Variants in FBXL3 observed in about 807,000 individuals in gnomAD.
FBXL3 encodes the protein F-box and leucine rich repeat protein 3, also known as F-box/LRR-repeat protein 3.
Under a neutral mutation model 37.9 loss-of-function variants are expected in FBXL3, and 14 were observed. The observed-to-expected ratio is 0.37, with a 90% CI of 0.24 to 0.58. FBXL3 has a LOEUF of 0.58. Among genes scored for constraint, FBXL3 ranks in the 20% least tolerant of loss-of-function variants. The pLI is 0.74. For synonymous variants in FBXL3, 194 were observed against 180.1 expected (o/e 1.08, Z -0.62); for missense variants, 327 against 511.1 (o/e 0.64, Z 3.47).
In FBXL3 at chr13:77,026,982, G is replaced by C. The variant is rs979016539; in HGVS notation, c.-157C>G. 1 of 151,866 alleles carries C rather than the reference G, an allele frequency of 6.6e-6. No homozygotes were observed. Among genetic ancestry groups the C allele is most frequent in the Non-Finnish European group, 1.5e-5 (1 of 68,014 alleles). The allele number at this position is 151,866 out of a possible 1,614,324, so 9.4% of individuals were successfully genotyped here. The stretch of plus-strand genomic sequence containing the variant: ...CGCTCCGCCCGCATCCGAGGCGCTG[G>C]TCCCGCGGAGGGCGCCAACGCGGCT... On this transcript the variant is annotated 5_prime_UTR_variant, in exon 1 of 5. Transcript: ENST00000355619.
At chr13:77,019,483 G>C (rs1274165167) in intron 2 of FBXL3, among the ~76,000 whole-genome samples, 1 of 152,196 alleles carries the variant, frequency 6.6e-6, no homozygotes, top group Non-Finnish European at 1.5e-5. Context: ...AAAATGTTAA[G>C]AGTGGATTGT....
chr13:77,026,727 C>A (rs1278242545), intron 1 of FBXL3, 100 bp downstream of exon 1: 2 of 142,304 alleles, frequency 1.4e-5, no homozygotes, highest in South Asian at 2.2e-4. Flanking sequence ...CCCCGCGCCC[C>A]CCCCCACCCC....
chr13:77,013,928 C>T (rs921760457), intron 4 of FBXL3: 3 of 152,026 alleles, frequency 2.0e-5, no homozygotes, highest in Non-Finnish European at 2.9e-5. Flanking sequence ...ACAGAATATA[C>T]CAGAATAAAG....
chr13:77,016,657 C>T (rs545502988), intron 3 of FBXL3: 1 of 152,262 alleles, frequency 6.6e-6, no homozygotes, highest in Admixed American at 6.6e-5. Context: ...TTTCATCCTC[C>T]CTAGTAGCTA....
intron 1 of FBXL3, among the ~76,000 whole-genome samples, chr13:77,024,759 A>T (rs2034807554): frequency 6.6e-6 from 1 of 152,206 alleles, no homozygotes; most frequent in Non-Finnish European, 1.5e-5. Flanking sequence ...TGATCACCAA[A>T]GCCTATTTTA....
At chr13:77,013,438 GCT>G (rs1378494299) in intron 4 of FBXL3, 3 of 152,102 alleles carry the variant, frequency 2.0e-5, no homozygotes, top group Non-Finnish European at 2.9e-5. Context: ...TCCCCAAATT[GCT>G]CCTGGCAATA....
chr13:77,015,411 G>A lies in FBXL3; in HGVS notation c.641C>T (p.Ala214Val). The change falls in exon 4 of 5, where the codon GCA becomes GTA. Residue 214 changes from alanine (A) to valine (V), a missense_variant and splice_region_variant. Transcript: ENST00000355619. ...GTCTAGCAAAAAACACAACATACCT[G>A]CTGGAGAGACATGAGGACAGCTGCT... ...KMSSCPHVSPAGILCVADQCH... is the reference protein window; with the variant it reads ...KMSSCPHVSPVGILCVADQCH... 6.5e-7 allele frequency: 1 copy of A among 1,546,626 alleles called. No homozygotes were observed. Among genetic ancestry groups the A allele is most frequent in the South Asian group, 1.3e-5 (1 of 78,918 alleles).
In FBXL3 at chr13:77,026,880, G is replaced by A. The variant is rs2034853865; in HGVS notation, c.-55C>T. The stretch of plus-strand genomic sequence containing the variant: ...ACCACCCCGTGCTCCGGGGACGGCG[G>A]CGGCTGCAGGTCCCGCGGCTCTCAC... On this transcript the variant is annotated 5_prime_UTR_variant, in exon 1 of 5. Coordinates refer to ENST00000355619, the MANE Select transcript of FBXL3 (RefSeq NM_012158.4). 6.6e-6 allele frequency: 1 copy of A among 151,428 alleles called. No individual in the cohort carries two copies. Among genetic ancestry groups the A allele is most frequent in the African/African-American group, 2.4e-5 (1 of 41,238 alleles). The allele number at this position is 151,428 out of a possible 1,614,324, so 9.4% of individuals were successfully genotyped here. A position where few individuals can be genotyped will look rare whatever the true frequency, so the allele number is the denominator to read the frequency against.
chr13:77,025,708 A>AAC lies in FBXL3; in HGVS notation c.-2+1118_-2+1119insGT, dbSNP rs1250017495. 3.7e-4 allele frequency among the ~76,000 whole-genome samples: 56 copies of AAC among 151,458 alleles called. No homozygotes were observed. The East Asian group carries it at 8.6e-3, about 23-fold the overall frequency. ...GTCTCAAAAAAAAAAAAAAAAAAAAAAAAACTTTGAAAGAAGCAACTTCAT... is the reference window on the plus strand; with the variant it reads ...GTCTCAAAAAAAAAAAAAAAAAAAAAACAAAACTTTGAAAGAAGCAACTTCAT... On this transcript the variant is annotated intron_variant, in intron 1 of 4. Coordinates refer to ENST00000355619, the MANE Select transcript of FBXL3 (RefSeq NM_012158.4).
At position 77,007,316 on chromosome 13, in the gene FBXL3, T is replaced by G. The variant is rs201176626; in HGVS notation, c.1116A>C (p.Ser372=). The change falls in exon 5 of 5, where the codon TCA becomes TCC. Residue 372 remains serine, a synonymous_variant. Coordinates refer to ENST00000355619, the MANE Select transcript of FBXL3 (RefSeq NM_012158.4). ...SAIGLGECEV[S]CSAFVEFVKM... ...TCACAAACTCAACAAAGGCACTACA[T>G]GAGACTTCACATTCCCCTAGTCCAA... 6.2e-7 allele frequency: 1 copy of G among 1,614,178 alleles called. No homozygotes were observed. The highest frequency in any genetic ancestry group is 1.7e-5 in the Admixed American group (1 of 60,014).
Position 77,005,647 on chromosome 13 carries a change from A to C in FBXL3, c.*1498T>G, listed in dbSNP as rs990178350. 3.9e-5 allele frequency: 6 copies of C among 152,258 alleles called. No individual in the cohort carries two copies. In the East Asian group the frequency reaches 1.2e-3, roughly 29 times the overall value. The allele number at this position is 152,258 out of a possible 1,614,324, so 9.4% of individuals were successfully genotyped here. A position where few individuals can be genotyped will look rare whatever the true frequency, so the allele number is the denominator to read the frequency against. ...CATATCATCACTTTTGGAAAGCAAA[A>C]ATTATGTAGAAAATCACCTTTTGCT... On this transcript the variant is annotated 3_prime_UTR_variant, in exon 5 of 5. Coordinates refer to ENST00000355619, the MANE Select transcript of FBXL3 (RefSeq NM_012158.4).
At chr13:77,020,140 C>G (rs1171905081) in intron 2 of FBXL3, among the ~76,000 whole-genome samples, 2 of 152,108 alleles carry the variant, frequency 1.3e-5, no homozygotes, top group African/African-American at 4.8e-5. Context: ...GATCCCCCTA[C>G]CTTTGCCCCC....
intron 4 of FBXL3, among the ~76,000 whole-genome samples, chr13:77,011,995 A>G (rs2034563386): frequency 6.6e-6 from 1 of 152,228 alleles, no homozygotes; most frequent in African/African-American, 2.4e-5. Context: ...GCACAGCAGC[A>G]TTATTCATAA....
At chr13:77,026,609 T>C (rs1388654961) in intron 1 of FBXL3, among the ~76,000 whole-genome samples, 2 of 151,758 alleles carry the variant, frequency 1.3e-5, no homozygotes. Flanking sequence ...TTGACATGTT[T>C]GGAAGCAGGC....
At chr13:77,012,646 T>G (rs1044798297) in intron 4 of FBXL3, among the ~76,000 whole-genome samples, 2 of 152,186 alleles carry the variant, frequency 1.3e-5, no homozygotes, top group African/African-American at 4.8e-5. Context: ...GTGAGGAAAG[T>G]AGAATACAGT....
Position 77,007,006 on chromosome 13 carries a change from A to G in FBXL3, c.*139T>C, listed in dbSNP as rs1219435346. The G allele has an allele frequency of 1.4e-6, 2 of 1,422,966 alleles. No homozygotes were observed. Among genetic ancestry groups the G allele is most frequent in the African/African-American group, 1.4e-5 (1 of 69,538 alleles). The allele number at this position is 1,422,966 out of a possible 1,614,324, so 88.1% of individuals were successfully genotyped here. ...AAAACTCATTCATGGGTCTTCCGATAAACAATCTTTACATATACTGACTGA... is the reference window on the plus strand; with the variant it reads ...AAAACTCATTCATGGGTCTTCCGATGAACAATCTTTACATATACTGACTGA... On this transcript the variant is annotated 3_prime_UTR_variant, in exon 5 of 5. Coordinates refer to ENST00000355619, the MANE Select transcript of FBXL3 (RefSeq NM_012158.4).
rs1489200515 is a variant in FBXL3, at chr13:77,015,545, T to C, written c.507A>G (p.Val169=). Residue 169 remains valine (V), a synonymous_variant, in exon 4 of 5, where the codon GTA becomes GTG. Coordinates refer to ENST00000355619, the MANE Select transcript of FBXL3 (RefSeq NM_012158.4). The stretch of plus-strand genomic sequence containing the variant: ...TAAGCGAAGACAGGGATTTGGAGTT[T>C]ACGAACACAACTGTCAGTGCAGAGA... ...HFISALTVVF[V]NSKSLSSLKI... 2 of 1,599,238 alleles carry C rather than the reference T, an allele frequency of 1.3e-6. No homozygotes were observed. The highest frequency in any genetic ancestry group is 1.7e-5 in the Admixed American group (1 of 57,840).
At chr13:77,018,511 C>A (rs2154037352) in intron 3 of FBXL3, 89 bp downstream of exon 3, 1 of 1,054,298 alleles carries the variant, frequency 9.5e-7, no homozygotes, top group East Asian at 2.9e-5. Flanking sequence ...TATAACTTTC[C>A]TTATACTCAC....
Position 77,020,100 on chromosome 13 carries a change from G to C in FBXL3, c.349-1378C>G, listed in dbSNP as rs552841889. ...AACCTCTTTAGCCTTCTTCCCTGGG[G>C]GTATGGGGATGAGTCCTGAATTTTT... On this transcript the variant is annotated intron_variant, in intron 2 of 4. Transcript: ENST00000355619. Among the ~76,000 whole-genome samples the C allele has an allele frequency of 3.9e-5, 6 of 152,000 alleles. No homozygotes were observed. The East Asian group carries it at 1.2e-3, about 29-fold the overall frequency.
Sources: allele counts gnomAD v4.1 joint callset (sites outside exome capture counted in the v4.1 genomes callset), GRCh38; gene constraint gnomAD v4.1.1; transcripts MANE v1.5; gene names NCBI Gene and HGNC (gene_info 2026-07-23, HGNC 2026-07-21).